TEX2: variants seen among roughly 807,000 people sequenced by gnomAD.
TEX2 encodes testis expressed 2.
TEX2 carries 53 observed loss-of-function variants against 106.9 expected under a neutral mutation model. That is an observed-to-expected ratio of 0.50 (90% CI 0.40 to 0.62). TEX2 has a LOEUF of 0.62. TEX2 is among the 20% of genes least tolerant of loss of function. TEX2 has a pLI of 0.00. For synonymous variants in TEX2, 523 were observed against 534.8 expected (o/e 0.98, Z 0.30); for missense variants, 1,207 against 1,379.0 (o/e 0.88, Z 1.98).
At chr17:64,196,716 T>C (rs1280082677) in intron 2 of TEX2, among the ~76,000 whole-genome samples, 2 of 152,246 alleles carry the variant, frequency 1.3e-5, no homozygotes, top group South Asian at 2.1e-4. Flanking sequence ...AGTACTTTCT[T>C]TGGCTCACAG....
intron 1 of TEX2, among the ~76,000 whole-genome samples, chr17:64,218,207 C>T (rs56704927): frequency 0.015 from 2,211 of 152,018 alleles, 52 homozygotes; most frequent in African/African-American, 0.05. Flanking sequence ...GACTGTGGCA[C>T]TGCACCCCAG....
rs2031657387 is a variant in TEX2 at position 64,177,365 on chromosome 17, A to C, written c.2531T>G (p.Leu844Arg). 2 of 1,614,104 alleles carry C rather than the reference A, an allele frequency of 1.2e-6. No individual in the cohort carries two copies. Among genetic ancestry groups the C allele is most frequent in the Non-Finnish European group, 1.7e-6 (2 of 1,180,032 alleles). Reference protein sequence around the residue: ...DFLGEKYWSDLVSKKIQMKLS... With the variant: ...DFLGEKYWSDRVSKKIQMKLS... Reference sequence around the variant, plus strand: ...TTTCATTTGGATCTTCTTAGACACCAGATCAGACCAGTATTTCTCTCCTAA... The same window carrying C: ...TTTCATTTGGATCTTCTTAGACACCCGATCAGACCAGTATTTCTCTCCTAA... Residue 844 changes from leucine to arginine, a missense_variant, in exon 6 of 12, where the codon CTG (leucine) becomes CGG (arginine). Physicochemically the swap from Leu to Arg is moderately radical, Grantham distance 102 (BLOSUM62 -2). Around this residue, in one of 3 missense-constraint regions of TEX2, gnomAD observed 1,067 missense variants for 1,193.6 expected, o/e 0.89. Transcript: ENST00000584379.
intron 1 of TEX2, among the ~76,000 whole-genome samples, chr17:64,238,628 G>T (rs1289661621): frequency 6.6e-6 from 1 of 152,180 alleles, no homozygotes; most frequent in Non-Finnish European, 1.5e-5. Flanking sequence ...GCCAAGCGAA[G>T]GGGGAAGCCC....
At chr17:64,237,805 C>T (rs1376961308) in intron 1 of TEX2, among the ~76,000 whole-genome samples, 1 of 152,044 alleles carries the variant, frequency 6.6e-6, no homozygotes, top group African/African-American at 2.4e-5. Context: ...TACTTGGTGA[C>T]CTCCCAGTGT....
chr17:64,211,975 C>T (rs2033015455), intron 2 of TEX2, among the ~76,000 whole-genome samples: 2 of 152,210 alleles, frequency 1.3e-5, no homozygotes, highest in African/African-American at 4.8e-5. Flanking sequence ...AGTGAGACTC[C>T]GTCTCAATCG....
At chr17:64,246,056 G>T (rs1213292747) in intron 1 of TEX2, among the ~76,000 whole-genome samples, 1 of 152,154 alleles carries the variant, frequency 6.6e-6, no homozygotes, top group Non-Finnish European at 1.5e-5. Context: ...GGTCTAAGAA[G>T]TCCTCAGAAG....
chr17:64,214,757 C>G (rs1430475871), intron 1 of TEX2, among the ~76,000 whole-genome samples: 3 of 152,182 alleles, frequency 2.0e-5, no homozygotes, highest in Non-Finnish European at 4.4e-5. Flanking sequence ...GCCTGCATCT[C>G]CCAACTTCCT....
intron 5 of TEX2, among the ~76,000 whole-genome samples, chr17:64,179,797 G>C (rs2031776465): frequency 6.6e-6 from 1 of 151,844 alleles, no homozygotes; most frequent in African/African-American, 2.4e-5. Context: ...AAAAAAGAAA[G>C]CATGCTGGTC....
At chr17:64,188,021 T>A in intron 5 of TEX2, 147 bp downstream of exon 5, 1 of 880,150 alleles carries the variant, frequency 1.1e-6, no homozygotes, top group South Asian at 1.7e-5. Context: ...CCTGAGTAGA[T>A]TACAAGTTCC....
At chr17:64,190,308 A>G (rs2032248458) in intron 4 of TEX2, among the ~76,000 whole-genome samples, 1 of 152,230 alleles carries the variant, frequency 6.6e-6, no homozygotes, top group Admixed American at 6.5e-5. Flanking sequence ...AATATCCTGG[A>G]TTGGATCCTG....
In TEX2 at chr17:64,195,459, T is replaced by C. The variant is rs1315229652; in HGVS notation, c.1645-364A>G. ...CTTTGGGGTGATTAATCCCACCCAG[T>C]CTGGCCTTCTTAATTAGCTAAACAC... On this transcript the variant is annotated intron_variant, in intron 2 of 11. Coordinates refer to ENST00000584379, the MANE Select transcript of TEX2 (RefSeq NM_001288732.2). This position sits in a 1 kb window ranked among gnomAD's most constrained non-coding sequence, Gnocchi z 4.1. Among the ~76,000 whole-genome samples the C allele has an allele frequency of 2.0e-5, 3 of 152,212 alleles. No individual in the cohort carries two copies. The highest frequency in any genetic ancestry group is 2.0e-4 in the Admixed American group (3 of 15,282).
Position 64,217,125 on chromosome 17 carries a change from A to G in TEX2, c.-25-2883T>C, listed in dbSNP as rs1479129975. On this transcript the variant is annotated intron_variant, in intron 1 of 11. Coordinates refer to ENST00000584379, the MANE Select transcript of TEX2 (RefSeq NM_001288732.2). The surrounding 1 kb of genome is among the most constrained non-coding windows in gnomAD (Gnocchi z 4.3). Reference sequence around the variant, plus strand: ...CAAAATGAGGGGATTAGGCTAGATAAACAAAGGCTGCTTCCAGGCCCCAAA... The same window carrying G: ...CAAAATGAGGGGATTAGGCTAGATAGACAAAGGCTGCTTCCAGGCCCCAAA... Among the ~76,000 whole-genome samples the G allele has an allele frequency of 1.3e-5, 2 of 152,182 alleles. No individual in the cohort carries two copies. Among genetic ancestry groups the G allele is most frequent in the Non-Finnish European group, 2.9e-5 (2 of 68,028 alleles).
chr17:64,177,022 A>G (rs1018109382), intron 6 of TEX2, among the ~76,000 whole-genome samples: 1 of 152,236 alleles, frequency 6.6e-6, no homozygotes, highest in Non-Finnish European at 1.5e-5. Context: ...TAACAATTAT[A>G]TAAGACGAAT....
chr17:64,172,949 C>T (rs776031266), intron 6 of TEX2, among the ~76,000 whole-genome samples: 32 of 152,236 alleles, frequency 2.1e-4, no homozygotes, highest in Admixed American at 3.9e-4. Context: ...ATTTTCTCTG[C>T]TTGGATTTGT....
At chr17:64,237,173 G>A (rs1225046783) in intron 1 of TEX2, among the ~76,000 whole-genome samples, 1 of 152,122 alleles carries the variant, frequency 6.6e-6, no homozygotes, top group African/African-American at 2.4e-5. Context: ...AGGATGAGTC[G>A]AGCTGGCTAA....
At chr17:64,159,844 T>C (rs1044993907) in intron 8 of TEX2, among the ~76,000 whole-genome samples, 1 of 152,218 alleles carries the variant, frequency 6.6e-6, no homozygotes, top group African/African-American at 2.4e-5. Context: ...ATTAAGTAAC[T>C]TGAATAAATC....
At chr17:64,219,521 A>AATAAAATAAAAT in intron 1 of TEX2, among the ~76,000 whole-genome samples, 3 of 147,540 alleles carry the variant, frequency 2.0e-5, no homozygotes, top group Non-Finnish European at 3.0e-5. Flanking sequence ...ATAAAATAAA[A>AATAAAATAAAAT]TAAAATAAAA....
chr17:64,219,508 CAAATA>C (rs3071506), intron 1 of TEX2, among the ~76,000 whole-genome samples: 21,624 of 134,752 alleles, frequency 0.16, 1,902 homozygotes, highest in Non-Finnish European at 0.21. Context: ...TCCATCTCAT[CAAATA>C]AAATAAAATA....
At chr17:64,209,604 A>G (rs1374118904) in intron 2 of TEX2, among the ~76,000 whole-genome samples, 1 of 152,230 alleles carries the variant, frequency 6.6e-6, no homozygotes, top group Non-Finnish European at 1.5e-5. Flanking sequence ...CTACAAGGAA[A>G]ATTCAAATAC....
Sources: allele counts gnomAD v4.1 joint callset (sites outside exome capture counted in the v4.1 genomes callset), GRCh38; gene constraint gnomAD v4.1.1; regional missense constraint gnomAD v4.1.1; non-coding constraint Gnocchi (gnomAD v3.1); transcripts MANE v1.5; gene names NCBI Gene and HGNC (gene_info 2026-07-23, HGNC 2026-07-21).